EYA1: variants seen among roughly 807,000 people sequenced by gnomAD.
EYA1 encodes protein phosphatase EYA1.
In EYA1, 16 loss-of-function variants were observed where a neutral mutation model predicts 82.0. The ratio of observed to expected loss-of-function variants is 0.20; its 90% CI spans 0.13 to 0.30. EYA1 has a LOEUF of 0.30. Ranked by LOEUF, EYA1 falls within the 10% of genes least tolerant of loss-of-function variation. The pLI is 1.00. For synonymous variants in EYA1, 261 were observed against 264.4 expected, an observed-to-expected ratio of 0.99 and a Z score of 0.12; for missense variants, 633 against 730.7, an observed-to-expected ratio of 0.87 and a Z score of 1.54.
At chr8:71,391,000 G>A (rs927414071) in intron 2 of EYA1, among the ~76,000 whole-genome samples, 14 of 151,810 alleles carry the variant, frequency 9.2e-5, no homozygotes, top group Non-Finnish European at 1.9e-4. Context: ...TTGAGACAGG[G>A]TCTCGCTCTG....
chr8:71,393,466 C>T (rs1219950758), intron 2 of EYA1, among the ~76,000 whole-genome samples: 1 of 152,152 alleles, frequency 6.6e-6, no homozygotes, highest in Non-Finnish European at 1.5e-5. Context: ...CCACGACAGT[C>T]CCCAGTGTGT....
At chr8:71,370,718 C>T (rs139600476) in intron 2 of EYA1, among the ~76,000 whole-genome samples, 2 of 152,014 alleles carry the variant, frequency 1.3e-5, no homozygotes, top group South Asian at 2.1e-4. Flanking sequence ...ACTTGGCAGG[C>T]TCAACCAATC....
intron 9 of EYA1, among the ~76,000 whole-genome samples, chr8:71,288,778 C>T (rs568944149): frequency 6.6e-6 from 1 of 152,114 alleles, no homozygotes; most frequent in Non-Finnish European, 1.5e-5. Context: ...AAATACTGCA[C>T]AAATATAATG....
rs967374281 is a variant in EYA1 at position 71,465,920 on chromosome 8, G to T, written c.33+69824C>A. 3.3e-5 allele frequency among the ~76,000 whole-genome samples: 5 copies of T among 152,202 alleles called. No homozygotes were observed. The South Asian group carries it at 1.0e-3, about 32-fold the overall frequency. On this transcript the variant is annotated intron_variant, in intron 2 of 18. Transcript: ENST00000643681. ...ATTAGTTACCTATAGTTTCCAAGGTGATGGAAAGACACAATTTCTACAAAA... is the reference window on the plus strand; with the variant it reads ...ATTAGTTACCTATAGTTTCCAAGGTTATGGAAAGACACAATTTCTACAAAA...
chr8:71,294,323 G>T (rs188590104), intron 9 of EYA1, among the ~76,000 whole-genome samples: 3,664 of 152,116 alleles, frequency 0.024, 126 homozygotes, highest in African/African-American at 0.084. Flanking sequence ...GCCGGGCGTG[G>T]TAGCGGGCGC....
At chr8:71,523,196 T>TTTTTTTG (rs1813555835) in intron 2 of EYA1, among the ~76,000 whole-genome samples, 1 of 145,152 alleles carries the variant, frequency 6.9e-6, no homozygotes, top group African/African-American at 2.5e-5. Flanking sequence ...TTTTTTTTTT[T>TTTTTTTG]GAGACGGAGT....
chr8:71,475,406 G>T (rs144595087), intron 2 of EYA1, among the ~76,000 whole-genome samples: 275 of 152,212 alleles, frequency 1.8e-3, no homozygotes, highest in African/African-American at 6.2e-3. Flanking sequence ...TAAACTATGT[G>T]ATATGTTCTT....
At chr8:71,393,117 C>A (rs1050065182) in intron 2 of EYA1, among the ~76,000 whole-genome samples, 2 of 152,004 alleles carry the variant, frequency 1.3e-5, no homozygotes, top group African/African-American at 4.8e-5. Flanking sequence ...AATCTAAAGT[C>A]ATTTTATACA....
At chr8:71,533,809 A>G (rs1369718528) in intron 2 of EYA1, among the ~76,000 whole-genome samples, 2 of 152,160 alleles carry the variant, frequency 1.3e-5, no homozygotes, top group Non-Finnish European at 2.9e-5. Context: ...AGATTCTCCA[A>G]TCAGTGCCAC....
chr8:71,294,014 T>C (rs1819303283), intron 9 of EYA1, among the ~76,000 whole-genome samples: 1 of 149,030 alleles, frequency 6.7e-6, no homozygotes, highest in African/African-American at 2.4e-5. Flanking sequence ...TGATTGTCTA[T>C]GTAGAAAATA....
At position 71,261,980 on chromosome 8, in the gene EYA1, C is replaced by T. The variant is rs117704693; in HGVS notation, c.1050+7760G>A. ...TCCAAATGTACACTTCCAGCATGTC[C>T]CTCCATTGCCATCATGTTCTTCCAT... is the stretch of plus-strand genomic sequence containing the variant. On this transcript the variant is annotated intron_variant, in intron 11 of 17. Transcript: ENST00000340726. Among the ~76,000 whole-genome samples the T allele has an allele frequency of 3.3e-3, 510 of 152,290 alleles. 1 individual carries two copies. Among genetic ancestry groups the T allele is most frequent in the Non-Finnish European group, 5.8e-3 (392 of 68,030 alleles).
intron 4 of EYA1, among the ~76,000 whole-genome samples, chr8:71,328,426 C>T (rs913976424): frequency 6.6e-5 from 10 of 152,120 alleles, no homozygotes; most frequent in African/African-American, 1.7e-4. Context: ...TGATTCTTTC[C>T]GCTGTATTCA....
intron 4 of EYA1, among the ~76,000 whole-genome samples, chr8:71,328,329 G>C (rs1220601820): frequency 6.6e-6 from 1 of 152,142 alleles, no homozygotes; most frequent in Non-Finnish European, 1.5e-5. Flanking sequence ...TTATAAAAGA[G>C]AGAGAAAAGA....
At position 71,361,824 on chromosome 8, in the gene EYA1, C is replaced by T. The variant is rs1269146389; in HGVS notation, c.-232G>A. The T allele has an allele frequency of 1.5e-5, 15 of 985,334 alleles. No individual in the cohort carries two copies. The highest frequency in any genetic ancestry group is 6.1e-5 in the Admixed American group (1 of 16,276). The allele number at this position is 985,334 out of a possible 1,614,324, so 61.0% of individuals were successfully genotyped here. A position where few individuals can be genotyped will look rare whatever the true frequency, so the allele number is the denominator to read the frequency against. ...AGCGCCTCTGCAGGGGAAAGCTCGG[C>T]GCAGGGGGCAGGCGCCTGGCCGCTG... On this transcript the variant is annotated 5_prime_UTR_variant, in exon 1 of 18. Coordinates refer to ENST00000340726, the MANE Select transcript of EYA1 (RefSeq NM_000503.6).
chr8:71,510,835 C>T (rs1812537947), intron 2 of EYA1, among the ~76,000 whole-genome samples: 1 of 152,206 alleles, frequency 6.6e-6, no homozygotes, highest in Non-Finnish European at 1.5e-5. Flanking sequence ...AAAGAAAGGG[C>T]TTACAAGGCT....
At chr8:71,403,638 T>G (rs762905082) in intron 2 of EYA1, 7 of 152,190 alleles carry the variant, frequency 4.6e-5, no homozygotes, top group Non-Finnish European at 7.3e-5. Flanking sequence ...AATTATATTT[T>G]AAATTACAGG....
At chr8:71,256,636 C>G (rs1814455986) in intron 11 of EYA1, among the ~76,000 whole-genome samples, 2 of 152,068 alleles carry the variant, frequency 1.3e-5, no homozygotes, top group East Asian at 3.9e-4. Context: ...TGTGAAGGTA[C>G]TTAAAACTAC....
chr8:71,378,218 T>G (rs946699902), intron 2 of EYA1, among the ~76,000 whole-genome samples: 1 of 151,440 alleles, frequency 6.6e-6, no homozygotes, highest in African/African-American at 2.4e-5. Context: ...CTTCCTGCCA[T>G]TAAGATTAGG....
chr8:71,371,145 T>A (rs1211845027), intron 2 of EYA1, among the ~76,000 whole-genome samples: 2 of 152,122 alleles, frequency 1.3e-5, no homozygotes, highest in Non-Finnish European at 2.9e-5. Flanking sequence ...ATAGGAGGAT[T>A]GGGTACAAGT....
Sources: allele counts gnomAD v4.1 joint callset (sites outside exome capture counted in the v4.1 genomes callset), GRCh38; gene constraint gnomAD v4.1.1; transcripts MANE v1.5; gene names NCBI Gene and HGNC (gene_info 2026-07-23, HGNC 2026-07-21).